The following CLASP2 variants were observed in gnomAD, a reference collection of about 807,000 sequenced individuals.
CLASP2 encodes CLIP-associating protein 2.
A neutral mutation model predicts 194.4 loss-of-function variants in CLASP2; 47 were observed. The observed-to-expected ratio is 0.24, with a 90% CI of 0.19 to 0.31. The LOEUF (loss-of-function observed/expected upper bound fraction) is 0.31. CLASP2 is among the 10% of genes least tolerant of loss of function. The pLI is 1.00. For synonymous variants in CLASP2, 619 were observed against 633.5 expected, an observed-to-expected ratio of 0.98 and a Z score of 0.34; for missense variants, 1,445 against 1,823.6, an observed-to-expected ratio of 0.79 and a Z score of 3.78.
intron 7 of CLASP2, among the ~76,000 whole-genome samples, chr3:33,656,639 T>C (rs543228565): frequency 3.3e-5 from 5 of 152,310 alleles, no homozygotes; most frequent in Non-Finnish European, 7.4e-5. Flanking sequence ...TTAAGAAATA[T>C]ATCTGTGTGT....
At chr3:33,576,775 A>G (rs116741006) in intron 23 of CLASP2, among the ~76,000 whole-genome samples, 2,232 of 152,300 alleles carry the variant, frequency 0.015, 44 homozygotes, top group Admixed American at 0.053. Flanking sequence ...CATCCATTTG[A>G]TAACTGTTAA....
In CLASP2 at chr3:33,581,852, G is replaced by C. The variant is rs1173607941; in HGVS notation, c.2316C>G (p.Asp772Glu). The part of the protein sequence containing the change: ...SREASRESSR[D>E]TSPVRSFQPL... ...GCTGAAAAGAGCGAACAGGACTTGT[G>C]TCTCTGCTGCTCTCCCGACTAGCTT... The change falls in exon 23 of 39, where the codon GAC becomes GAG. Residue 772 changes from aspartate (D) to glutamate (E), a missense_variant. By Grantham distance (45) the Asp-to-Glu change is conservative. Coordinates refer to ENST00000682230, the MANE Select transcript of CLASP2 (RefSeq NM_001365631.1). 1 of 1,613,676 alleles carries C rather than the reference G, an allele frequency of 6.2e-7. No homozygotes were observed. The highest frequency in any genetic ancestry group is 8.5e-7 in the Non-Finnish European group (1 of 1,179,738).
At chr3:33,694,910 T>A (rs2091712330) in intron 2 of CLASP2, among the ~76,000 whole-genome samples, 1 of 151,340 alleles carries the variant, frequency 6.6e-6, no homozygotes, top group African/African-American at 2.4e-5. Context: ...ACTACTGCAC[T>A]CCAGCCTGGG....
intron 8 of CLASP2, among the ~76,000 whole-genome samples, chr3:33,636,154 A>C (rs2080096925): frequency 3.9e-5 from 6 of 152,216 alleles, no homozygotes; most frequent in Admixed American, 3.9e-4. Flanking sequence ...CTCTGTTCAA[A>C]TAAGATGGTA....
At chr3:33,679,016 A>G (rs552810170) in intron 6 of CLASP2, among the ~76,000 whole-genome samples, 1 of 152,342 alleles carries the variant, frequency 6.6e-6, no homozygotes, top group South Asian at 2.1e-4. Flanking sequence ...CTAACTTACA[A>G]AACTACGGGC....
chr3:33,581,015 C>CAAAAAAAAAAAAAAAAAA (rs34304858), intron 23 of CLASP2, among the ~76,000 whole-genome samples: 1 of 57,708 alleles, frequency 1.7e-5, no homozygotes. Flanking sequence ...GACTCCGTCT[C>CAAAAAAAAAAAAAAAAAA]AAAAAAAAAA....
intron 12 of CLASP2, among the ~76,000 whole-genome samples, chr3:33,618,993 A>G (rs1369732306): frequency 6.6e-6 from 1 of 152,058 alleles, no homozygotes; most frequent in African/African-American, 2.4e-5. Context: ...GGTATAGCCT[A>G]CTCCACACCT....
intron 6 of CLASP2, among the ~76,000 whole-genome samples, chr3:33,665,426 AG>A (rs1415611836): frequency 2.0e-5 from 3 of 152,140 alleles, no homozygotes; most frequent in Non-Finnish European, 4.4e-5. Context: ...TATCACCCAA[AG>A]GTCTTTTGGG....
intron 8 of CLASP2, among the ~76,000 whole-genome samples, chr3:33,636,959 C>T (rs1319014191): frequency 6.6e-6 from 1 of 152,046 alleles, no homozygotes; most frequent in African/African-American, 2.4e-5. Flanking sequence ...ACCAACTATC[C>T]AAGAGAGAAT....
chr3:33,669,705 A>C (rs899868237), intron 6 of CLASP2, among the ~76,000 whole-genome samples: 8 of 152,190 alleles, frequency 5.3e-5, no homozygotes, highest in Admixed American at 6.5e-5. Context: ...TGCATGTTAC[A>C]ACTGCAATGA....
Position 33,684,469 on chromosome 3 carries a change from T to C in CLASP2, c.547-13A>G. ...CAGCATCTCTCACCTGTCAAAGAAT[T>C]CAGAACTTTTTAATAAACTTATATA... On this transcript the variant is annotated splice_polypyrimidine_tract_variant and intron_variant, in intron 5 of 38. Coordinates refer to ENST00000682230, the MANE Select transcript of CLASP2 (RefSeq NM_001365631.1). 1 of 1,540,274 alleles carries C rather than the reference T, an allele frequency of 6.5e-7. No individual in the cohort carries two copies. Among genetic ancestry groups the C allele is most frequent in the African/African-American group, 1.4e-5 (1 of 72,410 alleles).
intron 22 of CLASP2, 33 bp from the exon 23 acceptor site, chr3:33,581,961 G>A: frequency 6.9e-7 from 1 of 1,450,472 alleles, no homozygotes; most frequent in African/African-American, 1.4e-5. Flanking sequence ...CACACAGTAA[G>A]GGAGAAAACA....
chr3:33,622,280 G>A lies in CLASP2; in HGVS notation c.1036C>T (p.Leu346=). The A allele has an allele frequency of 6.8e-7, 1 of 1,460,352 alleles. No homozygotes were observed. Among genetic ancestry groups the A allele is most frequent in the Non-Finnish European group, 9.1e-7 (1 of 1,099,944 alleles). The allele number at this position is 1,460,352 out of a possible 1,614,324, so 90.5% of individuals were successfully genotyped here. A position where few individuals can be genotyped will look rare whatever the true frequency, so the allele number is the denominator to read the frequency against. ...KHDWDQRANA[L]KKIRSLLVAG... The stretch of plus-strand genomic sequence containing the variant: ...ACAAGCAGTGATCGAATTTTCTTCA[G>A]CTGAAATAAAGAATTTTCATTATTG... The change falls in exon 11 of 39, where the codon CTG becomes TTG. Residue 346 remains leucine (L), a splice_region_variant and synonymous_variant. Transcript: ENST00000682230.
chr3:33,596,784 A>T, intron 18 of CLASP2, 50 bp from the exon 19 acceptor site: 1 of 1,406,744 alleles, frequency 7.1e-7, no homozygotes, highest in Non-Finnish European at 9.8e-7. Flanking sequence ...GTATATTAGA[A>T]GAAATGATTT....
intron 7 of CLASP2, among the ~76,000 whole-genome samples, chr3:33,660,799 G>A (rs920256899): frequency 6.6e-6 from 1 of 152,146 alleles, no homozygotes. Flanking sequence ...ATTTCATGCC[G>A]AGCCTTTACT....
chr3:33,674,726 T>G (rs537603837), intron 6 of CLASP2, among the ~76,000 whole-genome samples: 3 of 151,892 alleles, frequency 2.0e-5, no homozygotes, highest in African/African-American at 7.2e-5. Flanking sequence ...AAGAATCAAA[T>G]AGACCCAATA....
intron 10 of CLASP2, among the ~76,000 whole-genome samples, chr3:33,622,723 C>T (rs2077304825): frequency 6.6e-6 from 1 of 152,030 alleles, no homozygotes; most frequent in African/African-American, 2.4e-5. Context: ...GTTGTGTGAC[C>T]ATTACCATCA....
intron 29 of CLASP2, among the ~76,000 whole-genome samples, chr3:33,552,462 G>A (rs978562023): frequency 6.6e-6 from 1 of 152,142 alleles, no homozygotes; most frequent in African/African-American, 2.4e-5. Context: ...GAAGGCAGAT[G>A]TTTGAAATAT....
chr3:33,679,058 G>C (rs2089345439), intron 6 of CLASP2, among the ~76,000 whole-genome samples: 2 of 152,132 alleles, frequency 1.3e-5, no homozygotes, highest in South Asian at 2.1e-4. Flanking sequence ...CAGACAAATG[G>C]ATCAATGGAA....
Sources: gnomAD v4.1 joint callset for allele counts (sites outside exome capture counted in the v4.1 genomes callset) on GRCh38, gnomAD v4.1.1 for gene constraint, MANE v1.5 for transcripts, NCBI Gene and HGNC (gene_info 2026-07-23, HGNC 2026-07-21) for gene names.